Variants in PPP2R5A observed in about 807,000 individuals in gnomAD.
The protein encoded by PPP2R5A is serine/threonine-protein phosphatase 2A 56 kDa regulatory subunit alpha isoform.
A neutral mutation model predicts 64.2 loss-of-function variants in PPP2R5A; 25 were observed. That is an observed-to-expected ratio of 0.39 (90% CI 0.28 to 0.54). The LOEUF is 0.54. Among genes scored for constraint, PPP2R5A ranks in the 20% least tolerant of loss-of-function variants. PPP2R5A has a pLI of 0.67. For missense variants in PPP2R5A, 425 were observed against 576.3 expected, an observed-to-expected ratio of 0.74 and a Z score of 2.69; for synonymous variants, 198 against 201.2, an observed-to-expected ratio of 0.98 and a Z score of 0.13.
Position 212,305,847 on chromosome 1 carries a change from A to G in PPP2R5A, c.181+19556A>G, listed in dbSNP as rs1658889931. 2.0e-5 allele frequency among the ~76,000 whole-genome samples: 3 copies of G among 152,140 alleles called. No homozygotes were observed. In the South Asian group the frequency reaches 6.2e-4, roughly 31 times the overall value. On this transcript the variant is annotated intron_variant, in intron 1 of 12. Coordinates refer to ENST00000261461, the MANE Select transcript of PPP2R5A (RefSeq NM_006243.4). ...AGAGTATCTTTATATAATGATATTT[A>G]TATCTAAATAAGATATAAAGATGAA...
intron 1 of PPP2R5A, among the ~76,000 whole-genome samples, chr1:212,315,436 GT>G (rs1659127830): frequency 6.6e-6 from 1 of 152,162 alleles, no homozygotes; most frequent in Non-Finnish European, 1.5e-5. Context: ...ATTACACAGA[GT>G]TATAACACCC....
At chr1:212,321,676 CG>C (rs1659297806) in intron 1 of PPP2R5A, among the ~76,000 whole-genome samples, 1 of 145,804 alleles carries the variant, frequency 6.9e-6, no homozygotes, top group Admixed American at 6.7e-5. Flanking sequence ...GGATGGCGGC[CG>C]GGCAGAGACA....
At chr1:212,319,947 GTTT>G (rs71137742) in intron 1 of PPP2R5A, among the ~76,000 whole-genome samples, 3 of 103,348 alleles carry the variant, frequency 2.9e-5, no homozygotes, top group African/African-American at 1.2e-4. Flanking sequence ...CTTACAGATT[GTTT>G]TTTTTTTTTT....
intron 1 of PPP2R5A, among the ~76,000 whole-genome samples, chr1:212,303,177 A>G (rs351393): frequency 0.3 from 45,941 of 152,086 alleles, 7,442 homozygotes; most frequent in Non-Finnish European, 0.37. Context: ...AGTTTTTTCC[A>G]TAGTGGCTGC....
intron 1 of PPP2R5A, among the ~76,000 whole-genome samples, chr1:212,290,145 A>G (rs1658574969): frequency 6.6e-6 from 1 of 152,216 alleles, no homozygotes. Flanking sequence ...ATTCTTAGCA[A>G]CTGTGTCCCA....
intron 1 of PPP2R5A, among the ~76,000 whole-genome samples, chr1:212,291,230 C>G (rs1019575015): frequency 6.6e-6 from 1 of 152,078 alleles, no homozygotes; most frequent in Non-Finnish European, 1.5e-5. Context: ...CTTGCATGCA[C>G]CACCATGCCA....
chr1:212,289,056 T>TTTC (rs1658555567), intron 1 of PPP2R5A, among the ~76,000 whole-genome samples: 1 of 152,264 alleles, frequency 6.6e-6, no homozygotes, highest in Non-Finnish European at 1.5e-5. Context: ...TAATTGAAAG[T>TTTC]ATTTAATAAA....
intron 5 of PPP2R5A, among the ~76,000 whole-genome samples, chr1:212,346,740 A>G (rs1659783054): frequency 6.6e-6 from 1 of 152,154 alleles, no homozygotes; most frequent in Non-Finnish European, 1.5e-5. Context: ...TGTTTAATTA[A>G]TTGAAGATCT....
intron 1 of PPP2R5A, among the ~76,000 whole-genome samples, chr1:212,292,366 A>G (rs1658615152): frequency 6.6e-6 from 1 of 152,236 alleles, no homozygotes; most frequent in South Asian, 2.1e-4. Flanking sequence ...CTGTGAAAGC[A>G]GAGTCATTAT....
intron 4 of PPP2R5A, among the ~76,000 whole-genome samples, chr1:212,342,954 T>C (rs1223378488): frequency 6.9e-6 from 1 of 145,736 alleles, no homozygotes; most frequent in African/African-American, 2.4e-5. Flanking sequence ...TTTAAAGGCC[T>C]CTTTTTTTTT....
chr1:212,337,406 C>T (rs1033562083), intron 3 of PPP2R5A, among the ~76,000 whole-genome samples: 2 of 151,986 alleles, frequency 1.3e-5, no homozygotes, highest in African/African-American at 4.8e-5. Context: ...AGAACATAGA[C>T]CTTTTTAGGA....
At chr1:212,330,642 A>C (rs1420629945) in intron 2 of PPP2R5A, among the ~76,000 whole-genome samples, 1 of 152,160 alleles carries the variant, frequency 6.6e-6, no homozygotes, top group Non-Finnish European at 1.5e-5. Context: ...AGCAAATATA[A>C]ATATAACCTA....
rs187491649 is a variant in PPP2R5A, at chr1:212,330,775, A to G, written c.378+1444A>G. 5.9e-4 allele frequency among the ~76,000 whole-genome samples: 90 copies of G among 152,258 alleles called. 1 individual carries two copies. Among genetic ancestry groups the G allele is most frequent in the Non-Finnish European group, 4.0e-4 (27 of 68,018 alleles). On this transcript the variant is annotated intron_variant, in intron 2 of 12. Coordinates refer to ENST00000261461, the MANE Select transcript of PPP2R5A (RefSeq NM_006243.4). ...GGGTTTCCTTTTATCAATCTGTAGTATAAGACCTCTCAAAAGGAATTAGGA... is the reference window on the plus strand; with the variant it reads ...GGGTTTCCTTTTATCAATCTGTAGTGTAAGACCTCTCAAAAGGAATTAGGA...
chr1:212,355,367 T>C (rs1206274985), intron 8 of PPP2R5A, among the ~76,000 whole-genome samples: 2 of 152,188 alleles, frequency 1.3e-5, no homozygotes, highest in Non-Finnish European at 2.9e-5. Flanking sequence ...ACATTATTCA[T>C]CACATTGTTA....
intron 8 of PPP2R5A, among the ~76,000 whole-genome samples, chr1:212,350,640 T>A (rs1659858700): frequency 6.7e-6 from 1 of 149,962 alleles, no homozygotes; most frequent in Non-Finnish European, 1.5e-5. Flanking sequence ...GGCAACAGAG[T>A]GAGACTCTGT....
At chr1:212,289,979 A>AT (rs1658571385) in intron 1 of PPP2R5A, among the ~76,000 whole-genome samples, 1 of 152,248 alleles carries the variant, frequency 6.6e-6, no homozygotes, top group African/African-American at 2.4e-5. Flanking sequence ...AAGCGAAGAA[A>AT]TCAACCTAAC....
chr1:212,344,067 G>A (rs966989768), intron 4 of PPP2R5A, among the ~76,000 whole-genome samples: 1 of 152,180 alleles, frequency 6.6e-6, no homozygotes, highest in Non-Finnish European at 1.5e-5. Flanking sequence ...GGCCTCCCAG[G>A]TTCAAGCGAT....
chr1:212,302,136 C>A (rs1283537836), intron 1 of PPP2R5A: 1 of 1,457,982 alleles, frequency 6.9e-7, no homozygotes, highest in Non-Finnish European at 9.3e-7. Flanking sequence ...TATTTGAAAT[C>A]TTGAGGAGAG....
intron 11 of PPP2R5A, 99 bp from the exon 12 acceptor site, chr1:212,358,587 T>A: frequency 1.2e-6 from 1 of 814,380 alleles, no homozygotes; most frequent in Non-Finnish European, 1.9e-6. Context: ...ATGGATTAAA[T>A]GAAATCAGCC....
Sources: allele counts gnomAD v4.1 joint callset (sites outside exome capture counted in the v4.1 genomes callset), GRCh38; gene constraint gnomAD v4.1.1; transcripts MANE v1.5; gene names NCBI Gene and HGNC (gene_info 2026-07-23, HGNC 2026-07-21).